The following PHF14 variants were observed in gnomAD, a reference collection of about 807,000 sequenced individuals.
PHF14 encodes the protein PHD finger protein 14.
In PHF14, 55 loss-of-function variants were observed where a neutral mutation model predicts 117.9. The ratio of observed to expected loss-of-function variants is 0.47; its 90% confidence interval spans 0.38 to 0.58. PHF14 has a LOEUF of 0.58. Among genes scored for constraint, PHF14 ranks in the 20% least tolerant of loss-of-function variants. The probability of loss-of-function intolerance (pLI) is 0.00; values close to 1 mark genes in which losing one functional copy is unlikely to be tolerated. For missense variants in PHF14, 978 were observed against 1,122.2 expected, an observed-to-expected ratio of 0.87 and a Z score of 1.84; for synonymous variants, 409 against 368.6, an observed-to-expected ratio of 1.11 and a Z score of -1.26.
intron 17 of PHF14, among the ~76,000 whole-genome samples, chr7:11,141,469 G>GTA (rs1386405457): frequency 5.9e-5 from 9 of 152,112 alleles, no homozygotes; most frequent in Non-Finnish European, 1.3e-4. Flanking sequence ...TTCCCAAAAA[G>GTA]TATATATATC....
intron 4 of PHF14, among the ~76,000 whole-genome samples, chr7:10,994,613 G>A (rs1484930889): frequency 1.3e-5 from 2 of 152,116 alleles, no homozygotes; most frequent in African/African-American, 2.4e-5. Context: ...TATTGTGTCC[G>A]GAATTGGTGG....
chr7:10,986,435 A>C (rs1782229864), intron 3 of PHF14, among the ~76,000 whole-genome samples: 1 of 152,234 alleles, frequency 6.6e-6, no homozygotes, highest in African/African-American at 2.4e-5. Flanking sequence ...TGGTACTCCC[A>C]TGAGAGAAAG....
chr7:11,058,115 G>C (rs767168241), intron 14 of PHF14, among the ~76,000 whole-genome samples: 2 of 151,994 alleles, frequency 1.3e-5, no homozygotes, highest in Non-Finnish European at 2.9e-5. Context: ...CAGTTTTATT[G>C]TTGCTAAAGT....
Position 11,119,014 on chromosome 7 carries a change from C to T in PHF14, c.2772+7547C>T, listed in dbSNP as rs544545634. Among the ~76,000 whole-genome samples the T allele has an allele frequency of 4.6e-5, 7 of 151,846 alleles. No individual in the cohort carries two copies. In the South Asian group the frequency reaches 1.2e-3, roughly 27 times the overall value. ...TAATTTACAAAATTGAAAAACTAAG[C>T]CACTTTCTAAATTACGCTTACTACA... On this transcript the variant is annotated intron_variant, in intron 17 of 17. Coordinates refer to ENST00000634607, the MANE Select transcript of PHF14 (RefSeq NM_001007157.2).
intron 3 of PHF14, among the ~76,000 whole-genome samples, chr7:10,986,411 TCTGGAAAA>T (rs1377607953): frequency 7.9e-5 from 12 of 152,204 alleles, no homozygotes; most frequent in African/African-American, 2.7e-4. Context: ...TCATGTAGTG[TCTGGAAAA>T]CTTCATGGTA....
At position 11,104,418 on chromosome 7, in the gene PHF14, G is replaced by A. The variant is rs1787189372; in HGVS notation, c.2655-6932G>A. The A allele has an allele frequency of 3.1e-6, 3 of 955,162 alleles. No individual in the cohort carries two copies. In the South Asian group the frequency reaches 1.5e-4, roughly 46 times the overall value. The allele number at this position is 955,162 out of a possible 1,614,324, so 59.2% of individuals were successfully genotyped here. ...TCTCTTAAATGCTCTCATATCCACA[G>A]TATAAAATTATTCCGTGTCCATAAT... On this transcript the variant is annotated intron_variant, in intron 16 of 17. Coordinates refer to ENST00000634607, the MANE Select transcript of PHF14 (RefSeq NM_001007157.2).
At chr7:11,088,414 A>ATG (rs1786504229) in intron 16 of PHF14, among the ~76,000 whole-genome samples, 4 of 127,910 alleles carry the variant, frequency 3.1e-5, no homozygotes, top group African/African-American at 8.4e-5. Flanking sequence ...ACACACACAC[A>ATG]CACGCACACA....
At chr7:11,127,113 C>CT (rs1035450305) in intron 17 of PHF14, among the ~76,000 whole-genome samples, 5 of 151,830 alleles carry the variant, frequency 3.3e-5, no homozygotes, top group East Asian at 1.9e-4. Context: ...TATTAATAGT[C>CT]TTTTTTTTAA....
rs559696200 is a variant in PHF14, at chr7:11,097,925, G to A, written c.2655-13425G>A. On this transcript the variant is annotated intron_variant, in intron 16 of 17. Transcript: ENST00000634607. The stretch of plus-strand genomic sequence containing the variant: ...TTAACATTTAAATTTAAAGGAAGGG[G>A]TGTGTGTATGTGTGTGTGTAGATAG... 2.9e-4 allele frequency among the ~76,000 whole-genome samples: 44 copies of A among 152,278 alleles called. 1 individual carries two copies. Among genetic ancestry groups the A allele is most frequent in the African/African-American group, 9.4e-4 (39 of 41,556 alleles).
At chr7:11,047,066 T>C (rs529573013) in intron 13 of PHF14, among the ~76,000 whole-genome samples, 1 of 152,160 alleles carries the variant, frequency 6.6e-6, no homozygotes, top group South Asian at 2.1e-4. Flanking sequence ...TTAGTCCACT[T>C]TCTTTTTTTT....
chr7:11,082,414 A>G lies in PHF14; in HGVS notation c.2654+20329A>G, dbSNP rs75327686. ...TATGGAAAGGCATGAAACAAAGTCA[A>G]TTCTCTTTTTGTTTGTCTATCCTAA... On this transcript the variant is annotated intron_variant, in intron 16 of 17. Transcript: ENST00000634607. Among the ~76,000 whole-genome samples, 185 of 152,284 alleles carry G rather than the reference A, an allele frequency of 1.2e-3. 1 individual carries two copies. Among genetic ancestry groups the G allele is most frequent in the African/African-American group, 4.3e-3 (178 of 41,560 alleles).
In PHF14 at chr7:11,151,463, G is replaced by T. The variant is rs147436952; in HGVS notation, c.2773-17953G>T. On this transcript the variant is annotated intron_variant, in intron 17 of 17. Coordinates refer to ENST00000634607, the MANE Select transcript of PHF14 (RefSeq NM_001007157.2). ...AGTTCCAACTACTTGGGGAGCTGAG[G>T]CCAGAGGATCATTTGAGCCCAGGAG... Among the ~76,000 whole-genome samples the T allele has an allele frequency of 1.1e-4, 17 of 152,240 alleles. No individual in the cohort carries two copies. In the East Asian group the frequency reaches 3.3e-3, roughly 29 times the overall value.
At chr7:11,042,652 T>C (rs1431443169) in intron 12 of PHF14, 31 bp from the exon 13 acceptor site, 1 of 1,480,952 alleles carries the variant, frequency 6.8e-7, no homozygotes, top group African/African-American at 1.4e-5. Flanking sequence ...TAATTATTAT[T>C]GAAATCTTTA....
chr7:11,061,644 A>T, intron 14 of PHF14, 147 bp from the exon 15 acceptor site: 4 of 475,894 alleles, frequency 8.4e-6, no homozygotes, highest in Non-Finnish European at 1.5e-5. Flanking sequence ...GCAGTAGTCC[A>T]ATATAGTATT....
chr7:11,123,180 C>T (rs1787825309), intron 17 of PHF14, among the ~76,000 whole-genome samples: 1 of 152,020 alleles, frequency 6.6e-6, no homozygotes. Flanking sequence ...CATTTTGCAA[C>T]AGGAAATCTT....
At chr7:11,043,284 GA>G (rs1255541240) in intron 13 of PHF14, among the ~76,000 whole-genome samples, 1 of 149,782 alleles carries the variant, frequency 6.7e-6, no homozygotes, top group Admixed American at 6.6e-5. Flanking sequence ...AAACATTTCT[GA>G]TTTTTTTTTT....
chr7:11,036,909 C>A, intron 9 of PHF14, 76 bp from the exon 10 acceptor site: 1 of 1,029,090 alleles, frequency 9.7e-7, no homozygotes, highest in Non-Finnish European at 1.4e-6. Flanking sequence ...TCAATGTGAT[C>A]ATCTTTATAG....
intron 17 of PHF14, among the ~76,000 whole-genome samples, chr7:11,146,725 C>T (rs1291955211): frequency 2.6e-5 from 4 of 152,188 alleles, no homozygotes; most frequent in Non-Finnish European, 1.5e-5. Context: ...TCCGCATGGT[C>T]ATTTCCAGCA....
At chr7:11,008,712 G>T (rs756634394) in intron 4 of PHF14, among the ~76,000 whole-genome samples, 1 of 152,110 alleles carries the variant, frequency 6.6e-6, no homozygotes, top group Non-Finnish European at 1.5e-5. Flanking sequence ...TGTAGGTACT[G>T]TCTTTCTCGT....
Sources: gnomAD v4.1 joint callset for allele counts (sites outside exome capture counted in the v4.1 genomes callset) on GRCh38, gnomAD v4.1.1 for gene constraint, MANE v1.5 for transcripts, NCBI Gene and HGNC (gene_info 2026-07-23, HGNC 2026-07-21) for gene names.